Variants in IMMP2L observed in about 807,000 individuals in gnomAD.
IMMP2L encodes the protein inner mitochondrial membrane peptidase subunit 2.
A neutral mutation model predicts 19.3 loss-of-function variants in IMMP2L; 18 were observed. The observed-to-expected ratio is 0.93, with a 90% CI of 0.64 to 1.38. The LOEUF (loss-of-function observed/expected upper bound fraction) is 1.38. Among genes scored for constraint, IMMP2L ranks in the 40% most tolerant of loss-of-function variants. The probability of loss-of-function intolerance (pLI) is 0.00; values close to 1 mark genes in which losing one functional copy is unlikely to be tolerated. For missense variants in IMMP2L, 233 were observed against 218.2 expected, an observed-to-expected ratio of 1.07 and a Z score of -0.43; for synonymous variants, 76 against 73.0, an observed-to-expected ratio of 1.04 and a Z score of -0.21.
At chr7:110,720,687 T>TCTATTCTGTTCTTATATTA (rs1795512665) in intron 5 of IMMP2L, among the ~76,000 whole-genome samples, 1 of 152,222 alleles carries the variant, frequency 6.6e-6, no homozygotes, top group South Asian at 2.1e-4. Context: ...TTATATTAGC[T>TCTATTCTGTTCTTATATTA]GTCTCTATTC....
chr7:110,946,425 T>C (rs918410031), intron 4 of IMMP2L, among the ~76,000 whole-genome samples: 2 of 152,184 alleles, frequency 1.3e-5, no homozygotes, highest in African/African-American at 4.8e-5. Flanking sequence ...TAAACTCCCA[T>C]GTCTCTATAT....
At chr7:110,702,407 T>C (rs1234186238) in intron 5 of IMMP2L, among the ~76,000 whole-genome samples, 2 of 152,168 alleles carry the variant, frequency 1.3e-5, no homozygotes, top group African/African-American at 4.8e-5. Flanking sequence ...AAACTAAATA[T>C]AAAATAGACA....
intron 5 of IMMP2L, among the ~76,000 whole-genome samples, chr7:110,798,246 T>G (rs1800995419): frequency 6.6e-6 from 1 of 152,026 alleles, no homozygotes; most frequent in South Asian, 2.1e-4. Context: ...AAAATTCATC[T>G]TATTTCAAAA....
intron 5 of IMMP2L, among the ~76,000 whole-genome samples, chr7:110,874,487 A>C (rs999752194): frequency 6.6e-6 from 1 of 152,118 alleles, no homozygotes; most frequent in African/African-American, 2.4e-5. Context: ...GGTGGAGAAG[A>C]ATATAATAAA....
chr7:111,000,985 G>A (rs1823617651), intron 3 of IMMP2L, among the ~76,000 whole-genome samples: 1 of 152,164 alleles, frequency 6.6e-6, no homozygotes, highest in Admixed American at 6.6e-5. Flanking sequence ...AAAGTTAGCA[G>A]CAAGAGCACT....
chr7:110,882,290 TTCCTTCCTTCCTTC>T, intron 5 of IMMP2L, among the ~76,000 whole-genome samples: 1 of 57,122 alleles, frequency 1.8e-5, no homozygotes, highest in Non-Finnish European at 3.9e-5. Context: ...GTCAAGTGCC[TTCCTTCCTTCCTTC>T]CTTCCTTCCT....
In IMMP2L at chr7:111,335,204, A is replaced by C. The variant is rs779253391; in HGVS notation, c.239+152034T>G. Among the ~76,000 whole-genome samples, 12 of 152,098 alleles carry C rather than the reference A, an allele frequency of 7.9e-5. 1 individual carries two copies. The highest frequency in any genetic ancestry group is 2.0e-4 in the Admixed American group (3 of 15,232). ...CTAGAGCTAGGTTTCAGCCTCCCTC[A>C]CCTTCTCTTTGGAACAGATCTTACA... On this transcript the variant is annotated intron_variant, in intron 3 of 5. Coordinates refer to ENST00000405709, the MANE Select transcript of IMMP2L (RefSeq NM_032549.4).
rs28729497 is a variant in IMMP2L, at chr7:111,129,177, A to C, written c.240-165612T>G. On this transcript the variant is annotated intron_variant, in intron 3 of 5. Transcript: ENST00000405709. ...ATTAAGGAGTGAAAAAATCTCAATA[A>C]CATATCTCACAGCCATCAAAAATAT... is the stretch of plus-strand genomic sequence containing the variant. 9.4e-3 allele frequency among the ~76,000 whole-genome samples: 1,433 copies of C among 152,200 alleles called. 22 individuals are homozygous for C. Among genetic ancestry groups the C allele is most frequent in the African/African-American group, 0.032 (1,329 of 41,562 alleles).
At chr7:110,929,917 C>T (rs1479326752) in intron 4 of IMMP2L, among the ~76,000 whole-genome samples, 1 of 151,770 alleles carries the variant, frequency 6.6e-6, no homozygotes, top group African/African-American at 2.4e-5. Flanking sequence ...AGCAAATGAC[C>T]ACAAAAGGAG....
intron 3 of IMMP2L, among the ~76,000 whole-genome samples, chr7:111,104,165 A>G (rs1368231840): frequency 6.6e-6 from 1 of 151,802 alleles, no homozygotes; most frequent in South Asian, 2.1e-4. Flanking sequence ...TCCTTCATTC[A>G]TGCATGCACA....
At chr7:111,191,529 A>T (rs1808878212) in intron 3 of IMMP2L, among the ~76,000 whole-genome samples, 1 of 151,864 alleles carries the variant, frequency 6.6e-6, no homozygotes. Context: ...ATGACTTTTA[A>T]TGTACTCTTC....
chr7:111,047,659 GT>G (rs530696384), intron 3 of IMMP2L, among the ~76,000 whole-genome samples: 99 of 152,106 alleles, frequency 6.5e-4, no homozygotes, highest in African/African-American at 2.2e-3. Flanking sequence ...ATCTAATTAT[GT>G]GTCTTCTTAG....
intron 5 of IMMP2L, among the ~76,000 whole-genome samples, chr7:110,872,236 T>C (rs1808608605): frequency 6.6e-6 from 1 of 152,200 alleles, no homozygotes; most frequent in Non-Finnish European, 1.5e-5. Context: ...ATACATATTC[T>C]AAACACTTCC....
At chr7:110,963,384 T>C in intron 4 of IMMP2L, 116 bp downstream of exon 4, 1 of 679,128 alleles carries the variant, frequency 1.5e-6, no homozygotes, top group African/African-American at 1.8e-5. Flanking sequence ...CCAGCTCATT[T>C]GGAATGTCTC....
chr7:111,287,701 T>C (rs1418512019), intron 3 of IMMP2L, among the ~76,000 whole-genome samples: 1 of 152,204 alleles, frequency 6.6e-6, no homozygotes, highest in Middle Eastern at 3.4e-3. Context: ...GGCCCAGAGT[T>C]GGAGGGAATT....
chr7:111,553,967 C>T (rs937193579), intron 1 of IMMP2L, among the ~76,000 whole-genome samples: 2 of 152,166 alleles, frequency 1.3e-5, no homozygotes, highest in African/African-American at 4.8e-5. Flanking sequence ...TACTACCATC[C>T]TATTTTTCAA....
intron 2 of IMMP2L, among the ~76,000 whole-genome samples, chr7:111,496,965 C>T (rs562724990): frequency 9.2e-5 from 14 of 152,084 alleles, no homozygotes; most frequent in Non-Finnish European, 1.5e-4. Context: ...TCTGTCTCTC[C>T]GGTGAGATCT....
chr7:111,262,389 A>C (rs1403016684), intron 3 of IMMP2L, among the ~76,000 whole-genome samples: 1 of 152,060 alleles, frequency 6.6e-6, no homozygotes, highest in Non-Finnish European at 1.5e-5. Context: ...GGCTATGAGA[A>C]GATCTAAGTC....
chr7:110,981,273 GAAA>G (rs919584882), intron 3 of IMMP2L, among the ~76,000 whole-genome samples: 2 of 151,588 alleles, frequency 1.3e-5, no homozygotes, highest in African/African-American at 2.4e-5. Context: ...AATAAAAAAA[GAAA>G]AAAAGAAAAT....
Sources: gnomAD v4.1 joint callset for allele counts (sites outside exome capture counted in the v4.1 genomes callset) on GRCh38, gnomAD v4.1.1 for gene constraint, MANE v1.5 for transcripts, NCBI Gene and HGNC (gene_info 2026-07-23, HGNC 2026-07-21) for gene names.